Variants in TTC23 observed in about 807,000 individuals in gnomAD.
The protein encoded by TTC23 is tetratricopeptide repeat domain 23.
A neutral mutation model predicts 55.1 loss-of-function variants in TTC23; 58 were observed. That is an observed-to-expected ratio of 1.05 (90% CI 0.85 to 1.31). The LOEUF is 1.31. TTC23 is among the 50% of genes most tolerant of loss of function. TTC23 has a pLI of 0.00. For missense variants in TTC23, 516 were observed against 534.4 expected (o/e 0.97, Z 0.34); for synonymous variants, 203 against 199.9 (o/e 1.02, Z -0.13).
At chr15:99,156,529 A>G (rs1402566355) in intron 11 of TTC23, among the ~76,000 whole-genome samples, 1 of 152,208 alleles carries the variant, frequency 6.6e-6, no homozygotes, top group Non-Finnish European at 1.5e-5. Flanking sequence ...GGCCTCAGAA[A>G]ACTTACAATC....
intron 10 of TTC23, among the ~76,000 whole-genome samples, chr15:99,173,444 G>A (rs978267749): frequency 6.6e-6 from 1 of 152,116 alleles, no homozygotes; most frequent in Admixed American, 6.5e-5. Flanking sequence ...AATTAGCTGG[G>A]TGCAAGCAGT....
chr15:99,200,981 G>A (rs2076151801), intron 8 of TTC23, among the ~76,000 whole-genome samples: 1 of 152,180 alleles, frequency 6.6e-6, no homozygotes, highest in Non-Finnish European at 1.5e-5. Flanking sequence ...AAAATATTCT[G>A]TATATCATCT....
intron 8 of TTC23, among the ~76,000 whole-genome samples, chr15:99,202,754 T>C (rs1182249671): frequency 2.6e-5 from 4 of 151,996 alleles, no homozygotes; most frequent in Non-Finnish European, 5.9e-5. Flanking sequence ...TAACAGAAAA[T>C]GAGAGGCAGG....
At chr15:99,221,981 T>A (rs2077974888) in intron 5 of TTC23, 117 bp from the exon 6 acceptor site, 1 of 1,216,416 alleles carries the variant, frequency 8.2e-7, no homozygotes, top group Admixed American at 2.3e-5. Flanking sequence ...GTGCAAAACA[T>A]TGTTCTAAGC....
At chr15:99,163,383 G>A (rs1035076680) in intron 10 of TTC23, among the ~76,000 whole-genome samples, 1 of 152,216 alleles carries the variant, frequency 6.6e-6, no homozygotes, top group African/African-American at 2.4e-5. Context: ...CAGTCCTACA[G>A]CTGCAAGGAA....
chr15:99,240,801 A>G (rs1198475222), intron 3 of TTC23, among the ~76,000 whole-genome samples: 2 of 152,238 alleles, frequency 1.3e-5, no homozygotes, highest in African/African-American at 2.4e-5. Flanking sequence ...ACCACTGACT[A>G]TAAAGATGCT....
chr15:99,154,644 C>G (rs989500466), intron 12 of TTC23, among the ~76,000 whole-genome samples: 5 of 152,144 alleles, frequency 3.3e-5, no homozygotes, highest in Non-Finnish European at 5.9e-5. Context: ...ATTACCTAAT[C>G]TCCGGTAGTG....
At chr15:99,177,630 T>A (rs959608446) in intron 9 of TTC23, among the ~76,000 whole-genome samples, 11 of 152,236 alleles carry the variant, frequency 7.2e-5, no homozygotes, top group African/African-American at 2.4e-4. Context: ...GAACAATCAC[T>A]GTGTAATGCC....
At position 99,161,606 on chromosome 15, in the gene TTC23, A is replaced by T. The variant is rs906369844; in HGVS notation, c.993+134T>A. 6 of 992,004 alleles carry T rather than the reference A, an allele frequency of 6.0e-6. No homozygotes were observed. The Admixed American group carries it at 1.9e-4, about 31-fold the overall frequency. 61.5% of individuals were successfully genotyped at this position (992,004 alleles called of 1,614,324 possible). A position where few individuals can be genotyped will look rare whatever the true frequency, so the allele number is the denominator to read the frequency against. ...GCTGCCCCAAAGGAGCCCTAGCCTTATTTATGTGTCCCTCTAGAGACTGGC... is the reference window on the plus strand; with the variant it reads ...GCTGCCCCAAAGGAGCCCTAGCCTTTTTTATGTGTCCCTCTAGAGACTGGC... On this transcript the variant is annotated intron_variant, in intron 11 of 13. Coordinates refer to ENST00000394132, the MANE Select transcript of TTC23 (RefSeq NM_001288615.3).
At chr15:99,238,883 G>T (rs1041250304) in intron 3 of TTC23, among the ~76,000 whole-genome samples, 7 of 149,788 alleles carry the variant, frequency 4.7e-5, no homozygotes, top group Admixed American at 1.4e-4. Flanking sequence ...CACTTTTCCA[G>T]TCTTTTTTTG....
chr15:99,152,629 CCAAAGTGCTGGGATTA>C (rs1555497543), intron 12 of TTC23, among the ~76,000 whole-genome samples: 1 of 152,068 alleles, frequency 6.6e-6, no homozygotes, highest in Non-Finnish European at 1.5e-5. Context: ...AGCTCAGCCT[CCAAAGTGCTGGGATTA>C]CAGGCATGAA....
chr15:99,235,984 C>A lies in TTC23; in HGVS notation c.-113-904G>T, dbSNP rs1159926683. ...CCATATTGTAGCATGTCAGAATTTC[C>A]TTTCTTTTTAAGGCTAAATACTATA... On this transcript the variant is annotated intron_variant, in intron 3 of 13. Transcript: ENST00000394132. Among the ~76,000 whole-genome samples the A allele has an allele frequency of 2.6e-5, 4 of 152,170 alleles. No individual in the cohort carries two copies. In the East Asian group the frequency reaches 7.7e-4, roughly 29 times the overall value.
chr15:99,229,168 A>G (rs1240094793), intron 4 of TTC23, among the ~76,000 whole-genome samples: 1 of 151,978 alleles, frequency 6.6e-6, no homozygotes, highest in African/African-American at 2.4e-5. Flanking sequence ...TCTAAAGTCC[A>G]GTAGAAATTA....
At chr15:99,228,861 G>T in intron 4 of TTC23, 129 bp from the exon 5 acceptor site, 1 of 715,328 alleles carries the variant, frequency 1.4e-6, no homozygotes, top group Non-Finnish European at 2.2e-6. Flanking sequence ...AGATTATGGT[G>T]GCTACTACTG....
At chr15:99,201,982 T>C (rs550149591) in intron 8 of TTC23, among the ~76,000 whole-genome samples, 1 of 152,294 alleles carries the variant, frequency 6.6e-6, no homozygotes, top group Admixed American at 6.5e-5. Context: ...CAGCAAACTA[T>C]GGTGTGGGGG....
chr15:99,167,037 A>C (rs2072204949), intron 10 of TTC23, among the ~76,000 whole-genome samples: 1 of 152,216 alleles, frequency 6.6e-6, no homozygotes, highest in Non-Finnish European at 1.5e-5. Flanking sequence ...AACTTTGAGA[A>C]CTAAATCCAC....
chr15:99,191,097 T>C (rs1019799346), intron 9 of TTC23, among the ~76,000 whole-genome samples: 4 of 152,204 alleles, frequency 2.6e-5, no homozygotes, highest in Non-Finnish European at 5.9e-5. Flanking sequence ...CATTTCTTTC[T>C]CTAAGCTCAA....
intron 8 of TTC23, among the ~76,000 whole-genome samples, chr15:99,206,809 T>A (rs955969722): frequency 6.6e-6 from 1 of 152,128 alleles, no homozygotes; most frequent in Non-Finnish European, 1.5e-5. Flanking sequence ...TTTTATTTAT[T>A]TGTGCTTGGA....
intron 8 of TTC23, 50 bp from the exon 9 acceptor site, chr15:99,200,146 C>A: frequency 6.9e-7 from 1 of 1,448,224 alleles, no homozygotes; most frequent in Non-Finnish European, 9.2e-7. Context: ...ATAGAAAATA[C>A]TGAAAATATA....
Sources: gnomAD v4.1 joint callset for allele counts (sites outside exome capture counted in the v4.1 genomes callset) on GRCh38, gnomAD v4.1.1 for gene constraint, MANE v1.5 for transcripts, NCBI Gene and HGNC (gene_info 2026-07-23, HGNC 2026-07-21) for gene names.